The following PCSK1 variants were observed in gnomAD, a reference collection of about 807,000 sequenced individuals.
The protein encoded by PCSK1 is proprotein convertase subtilisin/kexin type 1, also known as neuroendocrine convertase 1.
In PCSK1, 56 loss-of-function variants were observed where a neutral mutation model predicts 90.6. That is an observed-to-expected ratio of 0.62 (90% CI 0.50 to 0.77). PCSK1 has a LOEUF of 0.77. Among genes scored for constraint, PCSK1 ranks in the 30% least tolerant of loss-of-function variants. PCSK1 has a pLI of 0.00. For synonymous variants in PCSK1, 348 were observed against 342.4 expected (o/e 1.02, Z -0.18); for missense variants, 801 against 932.6 (o/e 0.86, Z 1.84).
chr5:96,397,501 T>C, intron 11 of PCSK1, 32 bp from the exon 12 acceptor site: 1 of 1,596,154 alleles, frequency 6.3e-7, no homozygotes, highest in Non-Finnish European at 8.6e-7. Flanking sequence ...ATGAATGTCC[T>C]AATAGCTCTG....
chr5:96,419,386 A>C (rs917440883), intron 5 of PCSK1, among the ~76,000 whole-genome samples: 1 of 56,496 alleles, frequency 1.8e-5, no homozygotes, highest in South Asian at 6.0e-4. Flanking sequence ...AATACTTATT[A>C]TATATATATA....
At chr5:96,426,835 A>C (rs1439266806) in intron 2 of PCSK1, among the ~76,000 whole-genome samples, 1 of 152,216 alleles carries the variant, frequency 6.6e-6, no homozygotes, top group East Asian at 1.9e-4. Flanking sequence ...ATAATTTGCA[A>C]CTGAAGGATA....
intron 12 of PCSK1, 96 bp from the exon 13 acceptor site, chr5:96,395,121 C>G: frequency 2.0e-6 from 2 of 1,004,862 alleles, no homozygotes; most frequent in Non-Finnish European, 3.1e-6. Flanking sequence ...GTTAAAATCT[C>G]ATTTTAAGAT....
At chr5:96,421,180 A>C (rs923050083) in intron 5 of PCSK1, among the ~76,000 whole-genome samples, 11 of 152,152 alleles carry the variant, frequency 7.2e-5, no homozygotes, top group African/African-American at 2.4e-4. Flanking sequence ...TCTTTCTTTC[A>C]CCTCTCCCTT....
chr5:96,407,064 T>C (rs551928309), intron 9 of PCSK1, among the ~76,000 whole-genome samples: 2 of 152,324 alleles, frequency 1.3e-5, no homozygotes, highest in African/African-American at 4.8e-5. Flanking sequence ...AATTTAAATA[T>C]GGTAAAGAAA....
chr5:96,419,753 T>C (rs1183136239), intron 5 of PCSK1, among the ~76,000 whole-genome samples: 1 of 151,888 alleles, frequency 6.6e-6, no homozygotes, highest in Non-Finnish European at 1.5e-5. Context: ...TGCAGGTAAC[T>C]CCCTGAGTCA....
chr5:96,413,309 G>C (rs140712483), intron 6 of PCSK1, among the ~76,000 whole-genome samples: 1 of 152,184 alleles, frequency 6.6e-6, no homozygotes, highest in Non-Finnish European at 1.5e-5. Flanking sequence ...TCAGACTTAT[G>C]AATTCAAGAG....
Position 96,421,777 on chromosome 5 carries a change from T to G in PCSK1, c.620+103A>C, listed in dbSNP as rs1262096051. The G allele has an allele frequency of 3.8e-6, 3 of 792,772 alleles. No individual in the cohort carries two copies. In the African/African-American group the frequency reaches 5.1e-5, roughly 13 times the overall value. The allele number at this position is 792,772 out of a possible 1,614,324, so 49.1% of individuals were successfully genotyped here. A position where few individuals can be genotyped will look rare whatever the true frequency, so the allele number is the denominator to read the frequency against. ...TGGTATGGATGTTGTGCATTAACATTTCCTGAGCACTGGAATGTGGATGAA... is the reference window on the plus strand; with the variant it reads ...TGGTATGGATGTTGTGCATTAACATGTCCTGAGCACTGGAATGTGGATGAA... On this transcript the variant is annotated intron_variant, in intron 5 of 13. Coordinates refer to ENST00000311106, the MANE Select transcript of PCSK1 (RefSeq NM_000439.5).
At chr5:96,432,255 C>T in intron 1 of PCSK1, 1 of 797,262 alleles carries the variant, frequency 1.3e-6, no homozygotes, top group Non-Finnish European at 2.0e-6. Flanking sequence ...GTCTTTCACC[C>T]ACCATTTCTC....
chr5:96,392,658 C>A lies in PCSK1; in HGVS notation c.*343G>T, dbSNP rs902537012. ...ATTATGTTTTCAAATTAATTGATAT[C>A]CCAGGTTTTGCCTTTTCTTTTGAGA... On this transcript the variant is annotated 3_prime_UTR_variant, in exon 14 of 14. Transcript: ENST00000311106. The A allele has an allele frequency of 8.6e-6, 2 of 233,624 alleles. No homozygotes were observed. Among genetic ancestry groups the A allele is most frequent in the Non-Finnish European group, 1.7e-5 (2 of 120,392 alleles). The allele number at this position is 233,624 out of a possible 1,614,324, so 14.5% of individuals were successfully genotyped here.
intron 11 of PCSK1, among the ~76,000 whole-genome samples, chr5:96,397,913 TATTTA>T (rs1436182270): frequency 1.3e-5 from 2 of 151,932 alleles, no homozygotes; most frequent in Non-Finnish European, 2.9e-5. Flanking sequence ...TAAAAATTAT[TATTTA>T]ATTTATTATG....
intron 5 of PCSK1, among the ~76,000 whole-genome samples, chr5:96,416,376 T>G (rs897398074): frequency 5.3e-5 from 8 of 152,246 alleles, no homozygotes; most frequent in Non-Finnish European, 8.8e-5. Context: ...GTTACTTGTC[T>G]GCAAAGGCTT....
At position 96,392,970 on chromosome 5, in the gene PCSK1, A is replaced by C; in HGVS notation, c.*31T>G. 6.2e-7 allele frequency: 1 copy of C among 1,612,088 alleles called. No homozygotes were observed. The highest frequency in any genetic ancestry group is 8.5e-7 in the Non-Finnish European group (1 of 1,178,242). ...AATCGCAGGGTAAGGAAGAAGCATG[A>C]ATATTTCCAACTTGGGACCACACAC... is the stretch of plus-strand genomic sequence containing the variant. On this transcript the variant is annotated 3_prime_UTR_variant, in exon 14 of 14. Coordinates refer to ENST00000311106, the MANE Select transcript of PCSK1 (RefSeq NM_000439.5).
intron 2 of PCSK1, among the ~76,000 whole-genome samples, chr5:96,427,478 T>C (rs1486016750): frequency 1.3e-5 from 2 of 152,208 alleles, no homozygotes; most frequent in African/African-American, 4.8e-5. Flanking sequence ...CAAGTTTCTA[T>C]GGTTCCAGAA....
At chr5:96,409,871 G>T (rs1219736008) in intron 8 of PCSK1, among the ~76,000 whole-genome samples, 1 of 152,206 alleles carries the variant, frequency 6.6e-6, no homozygotes, top group Non-Finnish European at 1.5e-5. Flanking sequence ...AAACTAGCTT[G>T]CAGAAGTGAT....
In PCSK1 at chr5:96,400,012, G is replaced by T; in HGVS notation, c.1371C>A (p.Thr457=). 6.2e-7 allele frequency: 1 copy of T among 1,614,226 alleles called. No homozygotes were observed. Among genetic ancestry groups the T allele is most frequent in the Non-Finnish European group, 8.5e-7 (1 of 1,180,030 alleles). The change falls in exon 10 of 14, where the codon ACC becomes ACA. Residue 457 remains threonine (T), a synonymous_variant. Coordinates refer to ENST00000311106, the MANE Select transcript of PCSK1 (RefSeq NM_000439.5). Reference sequence around the variant, plus strand: ...CTTTCTTCTCAGGCACGCTCCTCCAGGTCCTGGGGTCAGCTAAATCCACCA... The same window carrying T: ...CTTTCTTCTCAGGCACGCTCCTCCATGTCCTGGGGTCAGCTAAATCCACCA... The part of the protein sequence containing the change: ...KALVDLADPR[T]WRSVPEKKEC...
At chr5:96,399,791 G>T (rs899604030) in intron 10 of PCSK1, among the ~76,000 whole-genome samples, 162 bp downstream of exon 10, 5 of 152,056 alleles carry the variant, frequency 3.3e-5, no homozygotes, top group African/African-American at 1.2e-4. Flanking sequence ...TAGAGCTTTG[G>T]TCTCTTAGTT....
chr5:96,414,052 T>G (rs1350814404), intron 6 of PCSK1, among the ~76,000 whole-genome samples: 1 of 142,094 alleles, frequency 7.0e-6, no homozygotes, highest in Non-Finnish European at 1.5e-5. Context: ...GGCAGGAGAA[T>G]GGCATGAACC....
At chr5:96,399,296 C>A (rs1349483935) in intron 10 of PCSK1, among the ~76,000 whole-genome samples, 2 of 152,104 alleles carry the variant, frequency 1.3e-5, no homozygotes, top group African/African-American at 4.8e-5. Flanking sequence ...CATCAAAAAG[C>A]CCCTCTTAAG....
Sources: allele counts gnomAD v4.1 joint callset (sites outside exome capture counted in the v4.1 genomes callset), GRCh38; gene constraint gnomAD v4.1.1; transcripts MANE v1.5; gene names NCBI Gene and HGNC (gene_info 2026-07-23, HGNC 2026-07-21).